The following PPP2R2B variants were observed in gnomAD, a reference collection of about 807,000 sequenced individuals.
PPP2R2B encodes the protein serine/threonine-protein phosphatase 2A 55 kDa regulatory subunit B beta isoform.
Under a neutral mutation model 46.0 loss-of-function variants are expected in PPP2R2B, and 5 were observed. That is an observed-to-expected ratio of 0.11 (90% CI 0.06 to 0.23). PPP2R2B has a LOEUF of 0.23. Among genes scored for constraint, PPP2R2B ranks in the 10% least tolerant of loss-of-function variants. The pLI is 1.00. For synonymous variants in PPP2R2B, 215 were observed against 206.7 expected (o/e 1.04, Z -0.34); for missense variants, 367 against 575.0 (o/e 0.64, Z 3.70).
At chr5:146,908,629 T>A (rs1229676866) in intron 1 of PPP2R2B, among the ~76,000 whole-genome samples, 1 of 151,726 alleles carries the variant, frequency 6.6e-6, no homozygotes, top group Non-Finnish European at 1.5e-5. Context: ...AAGGCTCACA[T>A]CATTGTTTTC....
rs76331745 is a variant in PPP2R2B at position 146,719,533 on chromosome 5, G to C, written c.71-18391C>G. Among the ~76,000 whole-genome samples, 935 of 152,280 alleles carry C rather than the reference G, an allele frequency of 6.1e-3. 11 individuals carry two copies. The highest frequency in any genetic ancestry group is 0.021 in the African/African-American group (893 of 41,542). ...AATTATGAGGATTAAATGAGATAAG[G>C]ATGGGGAGGAGCTTAGCATGATGCC... is the stretch of plus-strand genomic sequence containing the variant. On this transcript the variant is annotated intron_variant, in intron 2 of 9. Transcript: ENST00000394411.
chr5:146,723,724 C>T (rs1751669990), intron 2 of PPP2R2B, among the ~76,000 whole-genome samples: 1 of 152,048 alleles, frequency 6.6e-6, no homozygotes, highest in South Asian at 2.1e-4. Context: ...AAACACACGC[C>T]CTGATCTTCT....
chr5:147,015,776 A>G (rs1009911198), intron 1 of PPP2R2B, among the ~76,000 whole-genome samples: 25 of 150,024 alleles, frequency 1.7e-4, no homozygotes, highest in African/African-American at 6.1e-4. Flanking sequence ...AAAATAATGT[A>G]ATATACATTC....
intron 1 of PPP2R2B, among the ~76,000 whole-genome samples, chr5:147,048,454 A>G (rs1056664609): frequency 2.6e-5 from 4 of 152,236 alleles, no homozygotes; most frequent in African/African-American, 9.6e-5. Context: ...TGAAGTACTT[A>G]GCACAGGGCC....
intron 2 of PPP2R2B, among the ~76,000 whole-genome samples, chr5:146,764,851 C>G (rs549839569): frequency 2.6e-5 from 4 of 152,116 alleles, no homozygotes; most frequent in African/African-American, 9.7e-5. Flanking sequence ...CACACGCACA[C>G]GCACACGTAC....
intron 2 of PPP2R2B, among the ~76,000 whole-genome samples, chr5:146,874,426 C>A (rs1466641240): frequency 2.0e-5 from 3 of 152,200 alleles, no homozygotes; most frequent in Non-Finnish European, 4.4e-5. Context: ...GTGGAACCCA[C>A]TTGTTGCCAG....
intron 2 of PPP2R2B, among the ~76,000 whole-genome samples, chr5:146,824,906 A>C (rs929070751): frequency 5.3e-5 from 8 of 152,160 alleles, no homozygotes; most frequent in Admixed American, 4.6e-4. Flanking sequence ...TGTTTTTAGT[A>C]GAGACAGGGC....
chr5:146,866,806 A>C (rs923877327), intron 2 of PPP2R2B, among the ~76,000 whole-genome samples: 3 of 152,188 alleles, frequency 2.0e-5, no homozygotes, highest in African/African-American at 7.2e-5. Flanking sequence ...CCTCATGATC[A>C]TAATTACAGC....
intron 2 of PPP2R2B, among the ~76,000 whole-genome samples, chr5:146,750,245 A>T (rs1345622399): frequency 6.6e-6 from 1 of 152,138 alleles, no homozygotes; most frequent in Admixed American, 6.5e-5. Flanking sequence ...TTCCCAGTTT[A>T]TTATTCTTTT....
intron 2 of PPP2R2B, among the ~76,000 whole-genome samples, chr5:146,798,086 T>A (rs1029357345): frequency 3.3e-5 from 5 of 152,172 alleles, no homozygotes; most frequent in Admixed American, 6.5e-5. Context: ...GAGCTTTCCA[T>A]TTTTATCCCT....
chr5:146,928,640 C>T (rs946017434), intron 1 of PPP2R2B, among the ~76,000 whole-genome samples: 1 of 152,106 alleles, frequency 6.6e-6, no homozygotes, highest in Non-Finnish European at 1.5e-5. Flanking sequence ...GGTTTTACTA[C>T]TTCTAACTTT....
chr5:146,694,528 T>C (rs1422469534), intron 4 of PPP2R2B, among the ~76,000 whole-genome samples: 1 of 152,138 alleles, frequency 6.6e-6, no homozygotes, highest in Admixed American at 6.5e-5. Context: ...AAATCATGGG[T>C]ATAACATGAA....
intron 1 of PPP2R2B, among the ~76,000 whole-genome samples, chr5:146,960,780 T>C (rs1370141103): frequency 6.6e-6 from 1 of 152,156 alleles, no homozygotes; most frequent in Non-Finnish European, 1.5e-5. Flanking sequence ...AGTAGTAACT[T>C]TTAAAATCAA....
chr5:146,701,619 A>G (rs1284246444), intron 2 of PPP2R2B, among the ~76,000 whole-genome samples: 1 of 152,192 alleles, frequency 6.6e-6, no homozygotes, highest in Non-Finnish European at 1.5e-5. Flanking sequence ...AACAGAGCAC[A>G]AAGAAATCAT....
At position 146,998,729 on chromosome 5, in the gene PPP2R2B, A is replaced by G. The variant is rs372172277; in HGVS notation, c.79+56936T>C. On this transcript the variant is annotated intron_variant, in intron 1 of 8. Transcript: ENST00000336640. Reference sequence around the variant, plus strand: ...TTTTAGAAACTAAACTCTTCTTTCAAAAGAAATTAACCAGAAATAGATTAA... The same window carrying G: ...TTTTAGAAACTAAACTCTTCTTTCAGAAGAAATTAACCAGAAATAGATTAA... Among the ~76,000 whole-genome samples, 28 of 152,260 alleles carry G rather than the reference A, an allele frequency of 1.8e-4. 1 individual carries two copies. In the East Asian group the frequency reaches 2.1e-3, roughly 12 times the overall value.
At chr5:147,077,694 A>T (rs1317014936) in intron 2 of PPP2R2B, among the ~76,000 whole-genome samples, 1 of 152,190 alleles carries the variant, frequency 6.6e-6, no homozygotes, top group Non-Finnish European at 1.5e-5. Context: ...GGGAACCTCC[A>T]TGCCAGTGGC....
At chr5:146,696,173 G>A (rs375099200) in intron 4 of PPP2R2B, among the ~76,000 whole-genome samples, 6 of 150,750 alleles carry the variant, frequency 4.0e-5, no homozygotes, top group African/African-American at 7.3e-5. Flanking sequence ...GAGTGATCTC[G>A]GCTTACTCCA....
In PPP2R2B at chr5:146,846,787, C is replaced by T. The variant is rs565554956; in HGVS notation, c.70+31215G>A. 2.6e-5 allele frequency among the ~76,000 whole-genome samples: 4 copies of T among 152,190 alleles called. No individual in the cohort carries two copies. In the South Asian group the frequency reaches 8.3e-4, roughly 32 times the overall value. On this transcript the variant is annotated intron_variant, in intron 2 of 9. Transcript: ENST00000394411. ...TTAGATCTCTTGGAATGATGCTGGTCTAGAATATTCCTCTATTCTCTCATC... is the reference window on the plus strand; with the variant it reads ...TTAGATCTCTTGGAATGATGCTGGTTTAGAATATTCCTCTATTCTCTCATC...
chr5:146,967,727 G>C (rs1752489980), intron 1 of PPP2R2B, among the ~76,000 whole-genome samples: 1 of 152,122 alleles, frequency 6.6e-6, no homozygotes, highest in South Asian at 2.1e-4. Context: ...AGAATACATA[G>C]AGATGCCAGG....
Sources: gnomAD v4.1 joint callset for allele counts (sites outside exome capture counted in the v4.1 genomes callset) on GRCh38, gnomAD v4.1.1 for gene constraint, MANE v1.5 for transcripts, NCBI Gene and HGNC (gene_info 2026-07-23, HGNC 2026-07-21) for gene names.